TRPC7: variants seen among roughly 807,000 people sequenced by gnomAD.
TRPC7 encodes the protein transient receptor potential cation channel subfamily C member 7, also known as short transient receptor potential channel 7.
In TRPC7, 42 loss-of-function variants were observed where a neutral mutation model predicts 90.1. The observed-to-expected ratio is 0.47, with a 90% confidence interval of 0.36 to 0.60. The LOEUF (loss-of-function observed/expected upper bound fraction) is 0.60. TRPC7 is among the 20% of genes least tolerant of loss of function. The probability of loss-of-function intolerance (pLI) is 0.00; values close to 1 mark genes in which losing one functional copy is unlikely to be tolerated. For missense variants in TRPC7, 955 were observed against 1,112.3 expected, an observed-to-expected ratio of 0.86 and a Z score of 2.01; for synonymous variants, 451 against 436.3, an observed-to-expected ratio of 1.03 and a Z score of -0.42.
At position 136,274,853 on chromosome 5, in the gene TRPC7, A is replaced by C. The variant is rs1331486871; in HGVS notation, c.964-16T>G. ...GAGCAACGAACTGTAAAAACAAAACAAAAACAAAAACAAAACGCAAACAGG... is the reference window on the plus strand; with the variant it reads ...GAGCAACGAACTGTAAAAACAAAACCAAAACAAAAACAAAACGCAAACAGG... On this transcript the variant is annotated splice_polypyrimidine_tract_variant and intron_variant, in intron 3 of 11. Transcript: ENST00000513104. 1 of 1,550,074 alleles carries C rather than the reference A, an allele frequency of 6.5e-7. No individual in the cohort carries two copies. The highest frequency in any genetic ancestry group is 8.7e-7 in the Non-Finnish European group (1 of 1,146,568).
intron 1 of TRPC7, among the ~76,000 whole-genome samples, chr5:136,359,284 T>C (rs753647362): frequency 2.3e-4 from 35 of 152,152 alleles, no homozygotes; most frequent in Non-Finnish European, 4.6e-4. Context: ...ACACTTCCCT[T>C]GGGAAAAAGC....
In TRPC7 at chr5:136,266,227, C is replaced by T. The variant is rs1757023874; in HGVS notation, c.1338G>A (p.Trp446Ter). 4 of 1,613,388 alleles carry T rather than the reference C, an allele frequency of 2.5e-6. No homozygotes were observed. The highest frequency in any genetic ancestry group is 3.4e-6 in the Non-Finnish European group (4 of 1,179,396). ...FSWTEMLIMK[W>*]VLGMIWSECK... ...ATAGAGTGACTTGCTTACCTAAGAC[C>T]CACTTCATAATGAGCATTTCTGTCC... The change falls in exon 5 of 12, where the codon TGG becomes TGA. Residue 446 changes from tryptophan to a stop codon, truncating the protein, a stop_gained. Transcript: ENST00000513104. LOFTEE classifies it high-confidence loss of function.
intron 2 of TRPC7, among the ~76,000 whole-genome samples, chr5:136,346,834 A>G (rs1760022119): frequency 6.6e-6 from 1 of 152,138 alleles, no homozygotes; most frequent in Non-Finnish European, 1.5e-5. Context: ...TGAGTTGAAT[A>G]GCACCCCGCA....
At position 136,356,649 on chromosome 5, in the gene TRPC7, T is replaced by G. The variant is rs1167081572; in HGVS notation, c.739A>C (p.Asn247His). Residue 247 changes from asparagine (N) to histidine (H), a missense_variant, in exon 2 of 12, where the codon AAC becomes CAC. Physicochemically the swap from Asn to His is moderately conservative, Grantham distance 68. Around this residue, in one of 4 missense-constraint regions of TRPC7, gnomAD observed 484 missense variants for 509.6 expected, o/e 0.95. Transcript: ENST00000513104. ...ATGTTGGCTAGTCTGGCTAACTCGT[T>G]GCTGAGCTCCAGGGCGGTGAGGACA... ...DPVLTALELS[N>H]ELARLANIET... 1.3e-6 allele frequency: 2 copies of G among 1,562,132 alleles called. No individual in the cohort carries two copies. Among genetic ancestry groups the G allele is most frequent in the Non-Finnish European group, 1.7e-6 (2 of 1,153,522 alleles).
At chr5:136,294,603 C>T (rs1437949890) in intron 3 of TRPC7, among the ~76,000 whole-genome samples, 1 of 152,022 alleles carries the variant, frequency 6.6e-6, no homozygotes, top group Non-Finnish European at 1.5e-5. Flanking sequence ...CCATCTCACA[C>T]CAGTTAGAAT....
At chr5:136,292,720 G>T (rs145947920) in intron 3 of TRPC7, among the ~76,000 whole-genome samples, 18,385 of 152,182 alleles carry the variant, frequency 0.12, 1,156 homozygotes, top group African/African-American at 0.14. Flanking sequence ...GAGGTACAAG[G>T]AGGAGCTGGT....
chr5:136,290,965 G>T (rs1446243002), intron 3 of TRPC7, among the ~76,000 whole-genome samples: 3 of 152,244 alleles, frequency 2.0e-5, no homozygotes, highest in Non-Finnish European at 2.9e-5. Context: ...CTGCAAGCCA[G>T]AAGAGAATGG....
chr5:136,330,163 C>T (rs559115684), intron 2 of TRPC7, among the ~76,000 whole-genome samples: 2 of 152,314 alleles, frequency 1.3e-5, no homozygotes, highest in South Asian at 2.1e-4. Context: ...CCACCTGCCC[C>T]GCCCCCACAT....
chr5:136,346,448 C>G (rs990069673), intron 2 of TRPC7, among the ~76,000 whole-genome samples: 2 of 152,048 alleles, frequency 1.3e-5, no homozygotes, highest in African/African-American at 4.8e-5. Flanking sequence ...GGCTGCCCTC[C>G]CTCCTTTTAT....
chr5:136,333,059 C>T (rs1759548733), intron 2 of TRPC7, among the ~76,000 whole-genome samples: 1 of 152,202 alleles, frequency 6.6e-6, no homozygotes, highest in African/African-American at 2.4e-5. Flanking sequence ...CACTAACCCT[C>T]AGAATTGTGA....
intron 3 of TRPC7, among the ~76,000 whole-genome samples, chr5:136,279,796 A>G (rs1757486030): frequency 6.6e-6 from 1 of 152,106 alleles, no homozygotes; most frequent in Admixed American, 6.5e-5. Flanking sequence ...GTTGCTCTAC[A>G]TGCTGTTTCC....
In TRPC7 at chr5:136,247,547, A is replaced by G; in HGVS notation, c.1768T>C (p.Phe590Leu). 1 of 1,614,016 alleles carries G rather than the reference A, an allele frequency of 6.2e-7. No individual in the cohort carries two copies. Among genetic ancestry groups the G allele is most frequent in the East Asian group, 2.2e-5 (1 of 44,894 alleles). ...FKFMVIFIMV[F>L]VAFMIGMFNL... ...AACATCCCAATCATGAAGGCCACAA[A>G]TACCATGATGAAAATGACCATGAAC... is the stretch of plus-strand genomic sequence containing the variant. Residue 590 changes from phenylalanine (F) to leucine (L), a missense_variant, in exon 7 of 12, where the codon TTT (phenylalanine) becomes CTT (leucine). By Grantham distance (22) the Phe-to-Leu change is conservative. Coordinates refer to ENST00000513104, the MANE Select transcript of TRPC7 (RefSeq NM_020389.3). This position sits in a 1 kb window ranked among gnomAD's most constrained non-coding sequence, Gnocchi z 4.2.
Position 136,357,311 on chromosome 5 carries a change from A to G in TRPC7, c.77T>C (p.Ile26Thr). The G allele has an allele frequency of 6.2e-7, 1 of 1,609,694 alleles. No homozygotes were observed. Among genetic ancestry groups the G allele is most frequent in the Non-Finnish European group, 8.5e-7 (1 of 1,179,848 alleles). Residue 26 changes from isoleucine (I) to threonine (T), a missense_variant, in exon 2 of 12, where the codon ATC (isoleucine) becomes ACC (threonine). Transcript: ENST00000513104. ...GTTGAACATGTAGGCGGGACCCCGG[A>G]TGGCCTGGCGACGGCCCTTCTCCCT... ...TLREKGRRQAIRGPAYMFNEK... is the reference protein window; with the variant it reads ...TLREKGRRQATRGPAYMFNEK...
rs754289003 is a variant in TRPC7, at chr5:136,226,041, T to C, written c.2255A>G (p.Lys752Arg). 1 of 1,592,336 alleles carries C rather than the reference T, an allele frequency of 6.3e-7. No homozygotes were observed. Residue 752 changes from lysine (K) to arginine (R), a missense_variant, in exon 9 of 12, where the codon AAA becomes AGA. Lys to Arg is a conservative substitution (Grantham distance 26). Transcript: ENST00000513104. ...NDLEMGMLNS[K>R]FKKTRYQAGM... ...AAACCACATGCTACCTACCTTGAAT[T>C]TGGAATTCAGCATGCCCATTTCAAG...
chr5:136,323,098 T>C (rs1281372253), intron 2 of TRPC7, among the ~76,000 whole-genome samples: 3 of 152,148 alleles, frequency 2.0e-5, no homozygotes, highest in Non-Finnish European at 2.9e-5. Context: ...TGGGGCGGTT[T>C]CCCCCATACT....
intron 1 of TRPC7, 23 bp from the exon 2 acceptor site, chr5:136,357,408 C>A: frequency 1.3e-6 from 2 of 1,561,566 alleles, no homozygotes; most frequent in Non-Finnish European, 1.7e-6. Context: ...GCAAAGATGC[C>A]CTGTTACTTT....
intron 2 of TRPC7, among the ~76,000 whole-genome samples, chr5:136,317,500 G>A (rs891264349): frequency 6.6e-6 from 1 of 152,138 alleles, no homozygotes; most frequent in Non-Finnish European, 1.5e-5. Flanking sequence ...GCATAGCACT[G>A]GTAAGCCAGA....
intron 4 of TRPC7, among the ~76,000 whole-genome samples, chr5:136,267,974 G>A (rs1757089709): frequency 6.6e-6 from 1 of 152,198 alleles, no homozygotes; most frequent in African/African-American, 2.4e-5. Context: ...ATAGACAGAT[G>A]TGCTAGTTAT....
intron 5 of TRPC7, among the ~76,000 whole-genome samples, chr5:136,266,001 C>T (rs1757013830): frequency 6.6e-6 from 1 of 152,016 alleles, no homozygotes; most frequent in South Asian, 2.1e-4. Flanking sequence ...ATTTCTGTCC[C>T]CCGCCGCCCC....
Sources: gnomAD v4.1 joint callset for allele counts (sites outside exome capture counted in the v4.1 genomes callset) on GRCh38, gnomAD v4.1.1 for gene constraint, gnomAD v4.1.1 regional missense constraint, Gnocchi (gnomAD v3.1) non-coding constraint, MANE v1.5 for transcripts, NCBI Gene and HGNC (gene_info 2026-07-23, HGNC 2026-07-21) for gene names.